The following BABAM2 variants were observed in gnomAD, a reference collection of about 807,000 sequenced individuals.
BABAM2 encodes BRISC and BRCA1-A complex member 2.
BABAM2 carries 31 observed loss-of-function variants against 54.7 expected under a neutral mutation model. The ratio of observed to expected loss-of-function variants is 0.57; its 90% CI spans 0.43 to 0.77. The LOEUF is 0.77. Among genes scored for constraint, BABAM2 ranks in the 30% least tolerant of loss-of-function variants. The probability of loss-of-function intolerance (pLI) is 0.00; values close to 1 mark genes in which losing one functional copy is unlikely to be tolerated. For missense variants in BABAM2, 364 were observed against 455.8 expected (o/e 0.80, Z 1.83); for synonymous variants, 167 against 162.9 (o/e 1.03, Z -0.19).
intron 6 of BABAM2, among the ~76,000 whole-genome samples, chr2:28,066,511 C>G (rs1347914044): frequency 2.6e-5 from 4 of 152,176 alleles, no homozygotes; most frequent in African/African-American, 9.7e-5. Context: ...AATAAACATT[C>G]ATTATCTCAC....
chr2:27,999,004 T>C (rs2148508884), intron 4 of BABAM2, among the ~76,000 whole-genome samples: 1 of 152,276 alleles, frequency 6.6e-6, no homozygotes, highest in African/African-American at 2.4e-5. Context: ...TACAGTACAG[T>C]ATATTATCAT....
At chr2:28,160,487 C>A (rs1672962105) in intron 7 of BABAM2, among the ~76,000 whole-genome samples, 1 of 152,138 alleles carries the variant, frequency 6.6e-6, no homozygotes, top group African/African-American at 2.4e-5. Context: ...AAGGGAGCCC[C>A]CAGAAGTGCA....
intron 11 of BABAM2, among the ~76,000 whole-genome samples, chr2:28,323,830 T>G (rs536923661): frequency 1.1e-3 from 174 of 152,344 alleles, no homozygotes; most frequent in Middle Eastern, 6.8e-3. Flanking sequence ...ACATGTCACC[T>G]AGGTGGACTG....
At chr2:27,953,948 G>A (rs1558615045) in intron 3 of BABAM2, among the ~76,000 whole-genome samples, 1 of 152,104 alleles carries the variant, frequency 6.6e-6, no homozygotes. Flanking sequence ...GAAAGAGAAG[G>A]AGATTAAAAA....
chr2:28,145,214 CAGAA>C (rs1263119347), intron 7 of BABAM2, among the ~76,000 whole-genome samples: 1 of 152,046 alleles, frequency 6.6e-6, no homozygotes, highest in Non-Finnish European at 1.5e-5. Flanking sequence ...GAAGCACAGA[CAGAA>C]AGAGCTGGGA....
intron 6 of BABAM2, among the ~76,000 whole-genome samples, chr2:28,057,183 A>G (rs531393354): frequency 1.3e-5 from 2 of 152,304 alleles, no homozygotes; most frequent in African/African-American, 4.8e-5. Context: ...AAAAATAAGC[A>G]CAAAACTCCA....
At chr2:28,046,960 G>T (rs188997710) in intron 6 of BABAM2, among the ~76,000 whole-genome samples, 15 of 152,062 alleles carry the variant, frequency 9.9e-5, no homozygotes, top group African/African-American at 3.1e-4. Context: ...TAGAGAAAGG[G>T]TCTCAGTGGT....
chr2:27,936,494 C>G (rs1199152882), intron 3 of BABAM2, among the ~76,000 whole-genome samples: 1 of 152,184 alleles, frequency 6.6e-6, no homozygotes, highest in Middle Eastern at 3.2e-3. Context: ...AAGACACATG[C>G]ACACGTATGT....
intron 11 of BABAM2, among the ~76,000 whole-genome samples, chr2:28,318,251 C>T (rs1292231414): frequency 6.6e-6 from 1 of 151,720 alleles, no homozygotes; most frequent in Non-Finnish European, 1.5e-5. Flanking sequence ...AAGGGCTGGA[C>T]TAGATAAGGG....
At chr2:28,137,197 A>G (rs1670622185) in intron 7 of BABAM2, among the ~76,000 whole-genome samples, 1 of 152,220 alleles carries the variant, frequency 6.6e-6, no homozygotes, top group Non-Finnish European at 1.5e-5. Flanking sequence ...TTTAAGTAAT[A>G]GAACGTAATA....
intron 6 of BABAM2, among the ~76,000 whole-genome samples, chr2:28,105,660 A>C (rs1392940329): frequency 6.6e-6 from 1 of 152,242 alleles, no homozygotes; most frequent in Non-Finnish European, 1.5e-5. Flanking sequence ...GGTACGATGC[A>C]TAGCACCCAG....
chr2:28,187,122 A>G (rs1323624019), intron 7 of BABAM2, among the ~76,000 whole-genome samples: 2 of 152,162 alleles, frequency 1.3e-5, no homozygotes, highest in African/African-American at 2.4e-5. Context: ...AACATTTTTA[A>G]TAATGGGGGC....
At chr2:27,977,641 T>C (rs1671695481) in intron 3 of BABAM2, among the ~76,000 whole-genome samples, 1 of 152,226 alleles carries the variant, frequency 6.6e-6, no homozygotes, top group South Asian at 2.1e-4. Context: ...TGGATTTTTG[T>C]ATTTGTTTCT....
At chr2:28,295,937 A>G (rs778406781) in intron 10 of BABAM2, among the ~76,000 whole-genome samples, 13 of 152,130 alleles carry the variant, frequency 8.5e-5, no homozygotes, top group Non-Finnish European at 1.8e-4. Flanking sequence ...GTGAAATTTG[A>G]TCTCTACTAA....
intron 7 of BABAM2, among the ~76,000 whole-genome samples, chr2:28,192,470 G>C (rs992329827): frequency 2.5e-4 from 37 of 150,062 alleles, no homozygotes; most frequent in African/African-American, 8.6e-4. Context: ...AGAAGCTAAT[G>C]CAGTCACAAT....
intron 6 of BABAM2, among the ~76,000 whole-genome samples, chr2:28,101,468 A>G (rs1187880912): frequency 6.6e-6 from 1 of 152,124 alleles, no homozygotes; most frequent in African/African-American, 2.4e-5. Context: ...GATGATGATA[A>G]TTTTAATGCT....
chr2:28,078,200 T>G (rs1175328500), intron 6 of BABAM2, among the ~76,000 whole-genome samples: 1 of 152,058 alleles, frequency 6.6e-6, no homozygotes, highest in Non-Finnish European at 1.5e-5. Flanking sequence ...TGCGTGCCCT[T>G]CCATCACTTA....
chr2:28,092,748 G>GT (rs1666258557), intron 6 of BABAM2, among the ~76,000 whole-genome samples: 1 of 57,908 alleles, frequency 1.7e-5, no homozygotes, highest in South Asian at 7.2e-4. Context: ...CTTCGTCTCT[G>GT]CCTCTCTCTC....
At chr2:27,929,193 G>A (rs1475383071) in intron 2 of BABAM2, among the ~76,000 whole-genome samples, 3 of 152,130 alleles carry the variant, frequency 2.0e-5, no homozygotes, top group Non-Finnish European at 4.4e-5. Flanking sequence ...TCCAGCCTGG[G>A]CTACAGAGTG....
Sources: allele counts gnomAD v4.1 joint callset (sites outside exome capture counted in the v4.1 genomes callset), GRCh38; gene constraint gnomAD v4.1.1; transcripts MANE v1.5; gene names NCBI Gene and HGNC (gene_info 2026-07-23, HGNC 2026-07-21).